Variants in RHD observed in about 807,000 individuals in gnomAD.
The protein encoded by RHD is Rh blood group D antigen.
In RHD, 16 loss-of-function variants were observed where a neutral mutation model predicts 45.5. The observed-to-expected ratio is 0.35, with a 90% CI of 0.24 to 0.53. The LOEUF (loss-of-function observed/expected upper bound fraction) is 0.53. Among genes scored for constraint, RHD ranks in the 20% least tolerant of loss-of-function variants. The probability of loss-of-function intolerance (pLI) is 0.92; values close to 1 mark genes in which losing one functional copy is unlikely to be tolerated. For missense variants in RHD, 306 were observed against 532.0 expected (o/e 0.58, Z 4.18); for synonymous variants, 131 against 217.5 (o/e 0.60, Z 3.50).
chr1:25,310,142 A>G (rs2124702854), intron 7 of RHD, among the ~76,000 whole-genome samples: 1 of 132,862 alleles, frequency 7.5e-6, no homozygotes, highest in African/African-American at 2.5e-5. Context: ...GACTTCTAAC[A>G]GCATCAGTCA....
At position 25,329,452 on chromosome 1, in the gene RHD, A is replaced by T. The variant is rs1644944666; in HGVS notation, c.*528A>T. 3 of 233,510 alleles carry T rather than the reference A, an allele frequency of 1.3e-5. 1 individual carries two copies. The highest frequency in any genetic ancestry group is 5.7e-5 in the Admixed American group (1 of 17,596). 14.5% of individuals were successfully genotyped at this position (233,510 alleles called of 1,614,324 possible). On this transcript the variant is annotated 3_prime_UTR_variant, in exon 10 of 10. Coordinates refer to ENST00000328664, the MANE Select transcript of RHD (RefSeq NM_016124.6). ...AAGATGGGGTTTCACCATGTTGGCC[A>T]GGCTGATCTCAAACTCCTGACCTCA...
rs1457845480 is a variant in RHD at position 25,313,463 on chromosome 1, C to G, written c.1074-3537C>G. Reference sequence around the variant, plus strand: ...TACTCAACATTGTAGTTGTGAGATTCATCCAGGTTGTTAAGCATTGCTGTA... The same window carrying G: ...TACTCAACATTGTAGTTGTGAGATTGATCCAGGTTGTTAAGCATTGCTGTA... On this transcript the variant is annotated intron_variant, in intron 7 of 9. Coordinates refer to ENST00000328664, the MANE Select transcript of RHD (RefSeq NM_016124.6). 4.5e-5 allele frequency among the ~76,000 whole-genome samples: 6 copies of G among 132,844 alleles called. 2 individuals carry two copies. The highest frequency in any genetic ancestry group is 1.1e-4 in the Non-Finnish European group (6 of 56,054). The allele number at this position is 132,844 out of a possible 152,430, so 87.2% of individuals were successfully genotyped here.
At chr1:25,289,044 C>T (rs1367481970) in intron 2 of RHD, among the ~76,000 whole-genome samples, 1 of 133,666 alleles carries the variant, frequency 7.5e-6, no homozygotes, top group African/African-American at 2.6e-5. Flanking sequence ...GACTTCAGAG[C>T]ACAGGCTTTG....
intron 3 of RHD, 105 bp downstream of exon 3, chr1:25,290,896 C>G: frequency 8.5e-7 from 1 of 1,172,116 alleles, no homozygotes; most frequent in African/African-American, 1.5e-5. Flanking sequence ...GTAATCCCAG[C>G]TACTTGGGAG....
chr1:25,285,944 C>G (rs1641949520), intron 2 of RHD, among the ~76,000 whole-genome samples: 1 of 134,486 alleles, frequency 7.4e-6, no homozygotes, highest in African/African-American at 2.6e-5. Flanking sequence ...AGGAACTGTG[C>G]TGAGCACTCC....
rs531459273 is a variant in RHD at position 25,301,992 on chromosome 1, G to A, written c.801+306G>A. Among the ~76,000 whole-genome samples, 3 of 130,582 alleles carry A rather than the reference G, an allele frequency of 2.3e-5. 1 individual carries two copies. The highest frequency in any genetic ancestry group is 3.6e-5 in the Non-Finnish European group (2 of 54,982). 85.7% of individuals were successfully genotyped at this position (130,582 alleles called of 152,430 possible). On this transcript the variant is annotated intron_variant, in intron 5 of 9. Coordinates refer to ENST00000328664, the MANE Select transcript of RHD (RefSeq NM_016124.6). ...GTTGCTAAAGTCAGTCACCATGAGC[G>A]AGAGTCAGCAGCAACAGACTAGACT...
intron 3 of RHD, among the ~76,000 whole-genome samples, chr1:25,299,088 A>C (rs1225863964): frequency 3.9e-5 from 5 of 126,820 alleles, no homozygotes; most frequent in African/African-American, 8.1e-5. Context: ...AAAAAAAAAA[A>C]AAAAAAAAAC....
intron 7 of RHD, among the ~76,000 whole-genome samples, chr1:25,313,282 G>A (rs1224389287): frequency 1.5e-5 from 2 of 131,978 alleles, no homozygotes; most frequent in African/African-American, 5.2e-5. Context: ...GATGCCAGCA[G>A]CATGTTCTTG....
At chr1:25,315,236 T>A (rs1309606465) in intron 7 of RHD, among the ~76,000 whole-genome samples, 1 of 130,142 alleles carries the variant, frequency 7.7e-6, no homozygotes, top group Non-Finnish European at 1.8e-5. Flanking sequence ...GATCAATGAA[T>A]TGAGTAATTG....
intron 9 of RHD, 53 bp downstream of exon 9, chr1:25,322,015 A>G: frequency 1.1e-6 from 1 of 924,854 alleles, no homozygotes; most frequent in South Asian, 1.3e-5. Flanking sequence ...GAACTTAAAA[A>G]CATACCTGAG....
chr1:25,316,911 T>C (rs890349227), intron 7 of RHD, 89 bp from the exon 8 acceptor site: 1 of 81,610 alleles, frequency 1.2e-5, no homozygotes, highest in Admixed American at 1.1e-4. Context: ...TTCCTGGCAA[T>C]GGCACTACTG....
rs1249046663 is a variant in RHD at position 25,283,144 on chromosome 1, C to A, written c.149-1429C>A. 4.3e-4 allele frequency among the ~76,000 whole-genome samples: 57 copies of A among 132,130 alleles called. 8 individuals carry two copies. The highest frequency in any genetic ancestry group is 1.4e-3 in the African/African-American group (54 of 38,722). 86.7% of individuals were successfully genotyped at this position (132,130 alleles called of 152,430 possible). On this transcript the variant is annotated intron_variant, in intron 1 of 9. Transcript: ENST00000328664. ...TGGCAACCTAATGAAGGAGTATGAT[C>A]ATTTCCCCTATTTAACAGACAAGAA...
chr1:25,312,948 A>AAAAAAAAAAAAAAAAAAC (rs1557556998), intron 7 of RHD, among the ~76,000 whole-genome samples: 2 of 110,594 alleles, frequency 1.8e-5, no homozygotes, highest in Non-Finnish European at 2.2e-5. Flanking sequence ...AAAAAAAAAA[A>AAAAAAAAAAAAAAAAAAC]AAAAAAACTT....
Position 25,318,875 on chromosome 1 carries a change from G to C in RHD, c.1153+1796G>C, listed in dbSNP as rs764544259. On this transcript the variant is annotated intron_variant, in intron 8 of 9. Coordinates refer to ENST00000328664, the MANE Select transcript of RHD (RefSeq NM_016124.6). ...TGGAGGTACTTTTTGGAGTTACCTG[G>C]GTAATTTTTGAGTGTGAGATTGGCT... 3.0e-5 allele frequency among the ~76,000 whole-genome samples: 4 copies of C among 132,226 alleles called. 1 individual carries two copies. The highest frequency in any genetic ancestry group is 5.2e-5 in the African/African-American group (2 of 38,786). The allele number at this position is 132,226 out of a possible 152,430, so 86.7% of individuals were successfully genotyped here.
intron 7 of RHD, chr1:25,307,653 C>G: frequency 8.0e-7 from 1 of 1,244,110 alleles, no homozygotes; most frequent in East Asian, 2.5e-5. Context: ...CAAGGTCACT[C>G]GGCTGGAACC....
rs2124142710 is a variant in RHD, at chr1:25,321,108, C to T, written c.1154-781C>T. 1.5e-5 allele frequency among the ~76,000 whole-genome samples: 2 copies of T among 130,622 alleles called. 1 individual carries two copies. The highest frequency in any genetic ancestry group is 5.2e-5 in the African/African-American group (2 of 38,544). The allele number at this position is 130,622 out of a possible 152,430, so 85.7% of individuals were successfully genotyped here. On this transcript the variant is annotated intron_variant, in intron 8 of 9. Coordinates refer to ENST00000328664, the MANE Select transcript of RHD (RefSeq NM_016124.6). ...GGAAAAGGAAGGACAGGCACTTAAG[C>T]AAGTTATAAGCTACTTTCCTAACTA...
chr1:25,321,674 T>TAAATAAAAA (rs1644714675), intron 8 of RHD, among the ~76,000 whole-genome samples: 1 of 91,228 alleles, frequency 1.1e-5, no homozygotes, highest in African/African-American at 3.3e-5. Context: ...TGTCTCAAAA[T>TAAATAAAAA]AAATAAAATA....
At chr1:25,307,145 T>A (rs368006348) in intron 7 of RHD, among the ~76,000 whole-genome samples, 2 of 132,408 alleles carry the variant, frequency 1.5e-5, no homozygotes, top group East Asian at 1.9e-4. Context: ...ATGGAGATAA[T>A]GATACTATCT....
Position 25,323,465 on chromosome 1 carries a change from AT to A in RHD, c.1227+1510del, listed in dbSNP as rs112639646. 4.2e-5 allele frequency among the ~76,000 whole-genome samples: 5 copies of A among 118,710 alleles called. 2 individuals carry two copies. Among genetic ancestry groups the A allele is most frequent in the African/African-American group, 1.5e-4 (5 of 34,392 alleles). The allele number at this position is 118,710 out of a possible 152,430, so 77.9% of individuals were successfully genotyped here. ...GTCACTAAGGTTTGCATTTTCTGTA[AT>A]TTTTTTGTTTGAGACAGGGTCTCAC... On this transcript the variant is annotated intron_variant, in intron 9 of 9. Coordinates refer to ENST00000328664, the MANE Select transcript of RHD (RefSeq NM_016124.6).
Sources: allele counts gnomAD v4.1 joint callset (sites outside exome capture counted in the v4.1 genomes callset), GRCh38; gene constraint gnomAD v4.1.1; transcripts MANE v1.5; gene names NCBI Gene and HGNC (gene_info 2026-07-23, HGNC 2026-07-21).